ACADL: variants seen among roughly 807,000 people sequenced by gnomAD.
ACADL encodes the protein acyl-CoA dehydrogenase long chain.
A neutral mutation model predicts 56.9 loss-of-function variants in ACADL; 60 were observed. The observed-to-expected ratio is 1.05, with a 90% CI of 0.86 to 1.31. The LOEUF is 1.31. Ranked by LOEUF, ACADL falls within the 50% of genes most tolerant of loss-of-function variation. The probability of loss-of-function intolerance (pLI) is 0.00; values close to 1 mark genes in which losing one functional copy is unlikely to be tolerated. For missense variants in ACADL, 484 were observed against 525.5 expected, an observed-to-expected ratio of 0.92 and a Z score of 0.77; for synonymous variants, 158 against 179.7, an observed-to-expected ratio of 0.88 and a Z score of 0.97.
At chr2:210,198,224 A>C (rs920298110) in intron 8 of ACADL, among the ~76,000 whole-genome samples, 2 of 152,126 alleles carry the variant, frequency 1.3e-5, no homozygotes, top group Non-Finnish European at 2.9e-5. Context: ...AATTCTTAGA[A>C]TTATGGAAAT....
In ACADL at chr2:210,225,435, C is replaced by T. The variant is rs1689258113; in HGVS notation, c.-172G>A. On this transcript the variant is annotated 5_prime_UTR_variant, in exon 1 of 11. Transcript: ENST00000233710. ...AGCCCCAACCACGCCACAGGCTGGT[C>T]GCGAGGGAATACGCCCGTCTTGGCT... The T allele has an allele frequency of 1.5e-6, 1 of 656,288 alleles. No homozygotes were observed. Among genetic ancestry groups the T allele is most frequent in the Non-Finnish European group, 2.5e-6 (1 of 395,756 alleles). The allele number at this position is 656,288 out of a possible 1,614,324, so 40.7% of individuals were successfully genotyped here. A position where few individuals can be genotyped will look rare whatever the true frequency, so the allele number is the denominator to read the frequency against.
chr2:210,205,048 AC>A (rs1440491935), intron 6 of ACADL, among the ~76,000 whole-genome samples: 1 of 151,978 alleles, frequency 6.6e-6, no homozygotes, highest in Non-Finnish European at 1.5e-5. Context: ...TTTTTTTGAG[AC>A]AGAGTCTCAT....
At chr2:210,203,010 C>T (rs1287232894) in intron 8 of ACADL, among the ~76,000 whole-genome samples, 2 of 152,224 alleles carry the variant, frequency 1.3e-5, no homozygotes, top group African/African-American at 2.4e-5. Context: ...CTCTTTCCTT[C>T]CAGCTTCTGT....
At chr2:210,218,280 T>G (rs1298948913) in intron 2 of ACADL, among the ~76,000 whole-genome samples, 178 bp from the exon 3 acceptor site, 9 of 134,276 alleles carry the variant, frequency 6.7e-5, no homozygotes, top group Non-Finnish European at 4.6e-5. Flanking sequence ...TCCTCCTTTT[T>G]TCTGCTTTTT....
At chr2:210,197,528 A>T (rs963990390) in intron 8 of ACADL, among the ~76,000 whole-genome samples, 3 of 152,216 alleles carry the variant, frequency 2.0e-5, no homozygotes, top group African/African-American at 7.2e-5. Context: ...AATAATCTAT[A>T]TATCGAAAAC....
At chr2:210,215,005 A>G (rs933287062) in intron 4 of ACADL, among the ~76,000 whole-genome samples, 3 of 152,244 alleles carry the variant, frequency 2.0e-5, no homozygotes, top group Non-Finnish European at 1.5e-5. Flanking sequence ...AAAAATAAAT[A>G]ACACTGTCAG....
chr2:210,203,773 T>C (rs1006528182), intron 7 of ACADL, among the ~76,000 whole-genome samples: 2 of 152,152 alleles, frequency 1.3e-5, no homozygotes, highest in Admixed American at 6.6e-5. Context: ...ATTCCAGGGC[T>C]CAAGTGATCC....
At chr2:210,220,888 C>A in intron 1 of ACADL, 86 bp from the exon 2 acceptor site, 1 of 1,121,176 alleles carries the variant, frequency 8.9e-7, no homozygotes, top group South Asian at 1.4e-5. Flanking sequence ...ACATGGATTT[C>A]TTTCACAGAG....
chr2:210,201,665 T>C (rs1688794670), intron 8 of ACADL, among the ~76,000 whole-genome samples: 1 of 152,198 alleles, frequency 6.6e-6, no homozygotes, highest in Non-Finnish European at 1.5e-5. Context: ...AGCCAGTCAT[T>C]CTACTTAAAA....
intron 1 of ACADL, among the ~76,000 whole-genome samples, chr2:210,221,084 C>T (rs886956872): frequency 3.9e-5 from 6 of 152,150 alleles, no homozygotes; most frequent in African/African-American, 1.4e-4. Context: ...ACAGGTCTGA[C>T]TTGAGGTGAA....
chr2:210,193,008 T>C (rs1166835438), intron 9 of ACADL, 118 bp from the exon 10 acceptor site: 2 of 753,346 alleles, frequency 2.7e-6, no homozygotes, highest in East Asian at 5.4e-5. Context: ...TATTAAGCAA[T>C]TAGAACGGCA....
intron 1 of ACADL, among the ~76,000 whole-genome samples, chr2:210,222,356 C>G (rs745963277): frequency 6.6e-6 from 1 of 151,592 alleles, no homozygotes; most frequent in Non-Finnish European, 1.5e-5. Context: ...CAGAGGTTGC[C>G]GTATGAAATA....
In ACADL at chr2:210,192,859, C is replaced by T. The variant is rs774103658; in HGVS notation, c.1144G>A (p.Asp382Asn). Residue 382 changes from aspartate (D) to asparagine (N), a missense_variant, in exon 10 of 11, where the codon GAC becomes AAC. Transcript: ENST00000233710. ...ASELQNSVAY[D>N]CVQLHGGWGY... ...CAACCTCCATGGAGCTGTACACAGT[C>T]GTAAGCTACACTATTTTGTAACTCA... 1.1e-5 allele frequency: 18 copies of T among 1,613,604 alleles called. No homozygotes were observed. Among genetic ancestry groups the T allele is most frequent in the Middle Eastern group, 1.6e-4 (1 of 6,080 alleles).
chr2:210,224,164 G>T (rs71350736), intron 1 of ACADL, among the ~76,000 whole-genome samples: 7,919 of 140,920 alleles, frequency 0.056, 267 homozygotes, highest in Middle Eastern at 0.12. Context: ...GGAGGTTGCA[G>T]CAGTGAGCCA....
chr2:210,219,605 A>G (rs1036706108), intron 2 of ACADL, among the ~76,000 whole-genome samples: 1 of 152,086 alleles, frequency 6.6e-6, no homozygotes, highest in Non-Finnish European at 1.5e-5. Context: ...ATTAGTAAAA[A>G]CCTAATGGAA....
intron 10 of ACADL, among the ~76,000 whole-genome samples, chr2:210,190,591 A>G (rs907257085): frequency 1.3e-5 from 2 of 152,202 alleles, no homozygotes; most frequent in Non-Finnish European, 2.9e-5. Flanking sequence ...TCTTCCCAGC[A>G]TGGCAGAGAA....
chr2:210,217,665 C>G (rs1342660276), intron 3 of ACADL: 1 of 308,826 alleles, frequency 3.2e-6, no homozygotes, highest in African/African-American at 2.2e-5. Flanking sequence ...CTCTGCTGTT[C>G]TCTTTCAAAT....
At chr2:210,209,843 A>G (rs1232923669) in intron 5 of ACADL, 1 of 202,646 alleles carries the variant, frequency 4.9e-6, no homozygotes, top group Non-Finnish European at 1.0e-5. Flanking sequence ...TCTATATGAG[A>G]AAGCTTTTCC....
At chr2:210,200,300 T>C (rs192834480) in intron 8 of ACADL, among the ~76,000 whole-genome samples, 1 of 152,312 alleles carries the variant, frequency 6.6e-6, no homozygotes, top group East Asian at 1.9e-4. Context: ...AAAAATCATA[T>C]ATGTCAGTTT....
Sources: gnomAD v4.1 joint callset for allele counts (sites outside exome capture counted in the v4.1 genomes callset) on GRCh38, gnomAD v4.1.1 for gene constraint, MANE v1.5 for transcripts, NCBI Gene and HGNC (gene_info 2026-07-23, HGNC 2026-07-21) for gene names.